The following MAPK14 variants were observed in gnomAD, a reference collection of about 807,000 sequenced individuals.
The protein encoded by MAPK14 is CSAID-binding protein.
In MAPK14, 16 loss-of-function variants were observed where a neutral mutation model predicts 49.6. The ratio of observed to expected loss-of-function variants is 0.32; its 90% CI spans 0.22 to 0.49. MAPK14 has a LOEUF of 0.49. Among genes scored for constraint, MAPK14 ranks in the 20% least tolerant of loss-of-function variants. The pLI is 0.99. For synonymous variants in MAPK14, 142 were observed against 158.0 expected (o/e 0.90, Z 0.76); for missense variants, 200 against 441.2 (o/e 0.45, Z 4.90).
At chr6:36,082,018 T>C (rs1379082275) in intron 8 of MAPK14, among the ~76,000 whole-genome samples, 2 of 152,232 alleles carry the variant, frequency 1.3e-5, no homozygotes, top group African/African-American at 4.8e-5. Context: ...GGAAATTCTT[T>C]GGTGTGTTCA....
At chr6:36,106,164 C>T (rs1765790871) in intron 10 of MAPK14, among the ~76,000 whole-genome samples, 2 of 152,158 alleles carry the variant, frequency 1.3e-5, no homozygotes, top group African/African-American at 4.8e-5. Flanking sequence ...ACAGCATCAC[C>T]TGTATTTTTG....
At chr6:36,124,182 T>TCCTTCCTG in the MAPK14 span, among the ~76,000 whole-genome samples, 3 of 133,322 alleles carry the variant, frequency 2.3e-5, no homozygotes, top group Non-Finnish European at 4.8e-5. Flanking sequence ...CTTCCTGCCT[T>TCCTTCCTG]CCTTTCGTTC....
chr6:36,039,580 A>G (rs2127400745), intron 1 of MAPK14, among the ~76,000 whole-genome samples: 1 of 152,284 alleles, frequency 6.6e-6, no homozygotes, highest in African/African-American at 2.4e-5. Flanking sequence ...CAATCTGAGC[A>G]TGTGAAGAAA....
intron 9 of MAPK14, among the ~76,000 whole-genome samples, chr6:36,098,313 G>T (rs557244829): frequency 5.3e-5 from 8 of 152,184 alleles, no homozygotes; most frequent in South Asian, 2.1e-4. Flanking sequence ...CAAGGACAGA[G>T]AATTCATTTG....
Position 36,045,541 on chromosome 6 carries a change from G to T in MAPK14, c.117-7158G>T, listed in dbSNP as rs553396801. On this transcript the variant is annotated intron_variant, in intron 1 of 11. Coordinates refer to ENST00000229794, the MANE Select transcript of MAPK14 (RefSeq NM_139012.3). ...AAAGGACCTCTGGCCGGGTGTGGTGGCTCACGCCTGTAATCCCAGCCCTTT... is the reference window on the plus strand; with the variant it reads ...AAAGGACCTCTGGCCGGGTGTGGTGTCTCACGCCTGTAATCCCAGCCCTTT... Among the ~76,000 whole-genome samples the T allele has an allele frequency of 1.3e-3, 198 of 152,228 alleles. 2 individuals carry two copies. The highest frequency in any genetic ancestry group is 6.6e-4 in the Non-Finnish European group (45 of 68,016).
rs111234964 is a variant in MAPK14, at chr6:36,028,791, CT to C, written c.116+539del. 0.017 allele frequency among the ~76,000 whole-genome samples: 1,741 copies of C among 100,340 alleles called. 18 individuals carry two copies. The highest frequency in any genetic ancestry group is 0.052 in the African/African-American group (1,440 of 27,602). 65.8% of individuals were successfully genotyped at this position (100,340 alleles called of 152,430 possible). On this transcript the variant is annotated intron_variant, in intron 1 of 11. Transcript: ENST00000229794. This position sits in a 1 kb window ranked among gnomAD's most constrained non-coding sequence, Gnocchi z 5.1. ...ACCAGGAAGGGAGCTCTCTCCGGGC[CT>C]TTTTTTTTTTTTTTTTTTTTCAAAA...
the MAPK14 span, among the ~76,000 whole-genome samples, chr6:36,119,941 G>T: frequency 6.6e-6 from 1 of 152,156 alleles, no homozygotes; most frequent in Admixed American, 6.6e-5. Flanking sequence ...AAAACTAAAA[G>T]CAGACGAGAA....
chr6:36,077,289 G>A (rs561682869), intron 8 of MAPK14, among the ~76,000 whole-genome samples: 312 of 152,142 alleles, frequency 2.1e-3, no homozygotes, highest in Non-Finnish European at 2.7e-3. Context: ...TGAAAAATGT[G>A]GTCTGTTGGA....
intron 1 of MAPK14, among the ~76,000 whole-genome samples, chr6:36,032,348 G>A (rs1235248300): frequency 6.6e-6 from 1 of 152,216 alleles, no homozygotes; most frequent in Non-Finnish European, 1.5e-5. Context: ...AAGGGAACTA[G>A]ACTAGGTCTT....
At chr6:36,046,147 G>A (rs923201461) in intron 1 of MAPK14, among the ~76,000 whole-genome samples, 1 of 152,198 alleles carries the variant, frequency 6.6e-6, no homozygotes, top group Non-Finnish European at 1.5e-5. Flanking sequence ...ACGGTCAGCA[G>A]TAGATGAGTG....
At position 36,088,681 on chromosome 6, in the gene MAPK14, C is replaced by T. The variant is rs368775956; in HGVS notation, c.683-7306C>T. ...AGCTGGCAGTGAGCCGAGATCACAC[C>T]ACTGCACTCCAGCCTGGGCGACAGA... is the stretch of plus-strand genomic sequence containing the variant. On this transcript the variant is annotated intron_variant, in intron 8 of 11. Coordinates refer to ENST00000229794, the MANE Select transcript of MAPK14 (RefSeq NM_139012.3). Among the ~76,000 whole-genome samples the T allele has an allele frequency of 3.8e-4, 58 of 150,764 alleles. No homozygotes were observed. In the Middle Eastern group the frequency reaches 0.014, roughly 35 times the overall value.
intron 1 of MAPK14, among the ~76,000 whole-genome samples, chr6:36,030,192 A>G (rs958720271): frequency 3.3e-5 from 5 of 152,126 alleles, no homozygotes; most frequent in African/African-American, 1.2e-4. Context: ...AGGGTTCGCT[A>G]CTATTGGTGA....
chr6:36,038,443 G>A (rs851023), intron 1 of MAPK14, among the ~76,000 whole-genome samples: 135,187 of 152,180 alleles, frequency 0.89, 60,204 homozygotes, highest in East Asian at 1. Flanking sequence ...ATTTGCCTTT[G>A]TACAGACTGT....
chr6:36,033,495 TTA>T (rs571017962), intron 1 of MAPK14, among the ~76,000 whole-genome samples: 1 of 152,290 alleles, frequency 6.6e-6, no homozygotes, highest in South Asian at 2.1e-4. Flanking sequence ...TTTTGTATTT[TTA>T]GTAGAGACGG....
At chr6:36,119,709 G>A in the MAPK14 span, among the ~76,000 whole-genome samples, 1 of 152,104 alleles carries the variant, frequency 6.6e-6, no homozygotes, top group East Asian at 1.9e-4. Flanking sequence ...TGAGGGTGGT[G>A]AGCATCTAGT....
chr6:36,068,381 G>C (rs533110325), intron 3 of MAPK14, among the ~76,000 whole-genome samples: 1 of 152,256 alleles, frequency 6.6e-6, no homozygotes, highest in South Asian at 2.1e-4. Context: ...TTTACTCTTA[G>C]TAAAATAGGG....
chr6:36,121,558 TCAC>T, the MAPK14 span, among the ~76,000 whole-genome samples: 1 of 152,142 alleles, frequency 6.6e-6, no homozygotes, highest in Non-Finnish European at 1.5e-5. Context: ...GGAAGTGTAG[TCAC>T]CAGGATCAGG....
intron 1 of MAPK14, among the ~76,000 whole-genome samples, chr6:36,034,937 C>T (rs549411517): frequency 4.4e-5 from 6 of 137,222 alleles, no homozygotes; most frequent in Admixed American, 7.8e-5. Flanking sequence ...TCTGCTCTGT[C>T]GCCCAGACTG....
chr6:36,077,781 ACCTGGTGTTTCT>A (rs1764591287), intron 8 of MAPK14, among the ~76,000 whole-genome samples: 2 of 152,196 alleles, frequency 1.3e-5, no homozygotes, highest in Admixed American at 1.3e-4. Flanking sequence ...TTAGTTTAAT[ACCTGGTGTTTCT>A]CCTTTGTCCT....
Sources: gnomAD v4.1 joint callset for allele counts (sites outside exome capture counted in the v4.1 genomes callset) on GRCh38, gnomAD v4.1.1 for gene constraint, Gnocchi (gnomAD v3.1) non-coding constraint, MANE v1.5 for transcripts, NCBI Gene and HGNC (gene_info 2026-07-23, HGNC 2026-07-21) for gene names.